CTNNA2: variants seen among roughly 807,000 people sequenced by gnomAD.
CTNNA2 encodes catenin alpha 2.
CTNNA2 carries 42 observed loss-of-function variants against 101.0 expected under a neutral mutation model. The observed-to-expected ratio is 0.42, with a 90% CI of 0.32 to 0.54. CTNNA2 has a LOEUF of 0.54. Ranked by LOEUF, CTNNA2 falls within the 20% of genes least tolerant of loss-of-function variation. The pLI is 0.14. For synonymous variants in CTNNA2, 450 were observed against 456.4 expected (o/e 0.99, Z 0.18); for missense variants, 871 against 1,223.1 (o/e 0.71, Z 4.29).
chr2:80,107,572 T>G (rs946187572), intron 7 of CTNNA2, among the ~76,000 whole-genome samples: 1 of 152,230 alleles, frequency 6.6e-6, no homozygotes, highest in African/African-American at 2.4e-5. Context: ...CTCACCATCC[T>G]TCAAGTGTCT....
At chr2:80,213,437 G>T (rs973209187) in intron 7 of CTNNA2, among the ~76,000 whole-genome samples, 1 of 152,172 alleles carries the variant, frequency 6.6e-6, no homozygotes, top group Non-Finnish European at 1.5e-5. Flanking sequence ...TGGTTTCAAA[G>T]AACATTTTTA....
intron 11 of CTNNA2, among the ~76,000 whole-genome samples, chr2:80,547,720 A>T (rs181475969): frequency 5.0e-5 from 5 of 99,574 alleles, no homozygotes; most frequent in Non-Finnish European, 5.5e-5. Context: ...ATGGAGTTTC[A>T]CTCTTGTTGC....
At chr2:80,446,938 A>G (rs1683122277) in intron 9 of CTNNA2, among the ~76,000 whole-genome samples, 1 of 152,186 alleles carries the variant, frequency 6.6e-6, no homozygotes, top group South Asian at 2.1e-4. Context: ...TAAAAAAAGA[A>G]GGCAAATGTA....
At chr2:79,491,907 T>C (rs745999753) in intron 4 of CTNNA2, among the ~76,000 whole-genome samples, 30 of 152,176 alleles carry the variant, frequency 2.0e-4, no homozygotes, top group Non-Finnish European at 3.5e-4. Context: ...AGGACCCTGA[T>C]TGTAAGGACA....
chr2:79,758,316 C>G (rs867660194), intron 3 of CTNNA2, among the ~76,000 whole-genome samples: 68 of 152,320 alleles, frequency 4.5e-4, no homozygotes, highest in African/African-American at 1.6e-3. Context: ...CTGATGTGTT[C>G]TAATTCTGAT....
At chr2:80,383,669 A>C (rs972080528) in intron 7 of CTNNA2, among the ~76,000 whole-genome samples, 11 of 152,154 alleles carry the variant, frequency 7.2e-5, no homozygotes, top group African/African-American at 2.7e-4. Context: ...ATGAGCCTAT[A>C]AAGAAGGAGG....
chr2:80,240,541 C>A (rs916507892), intron 7 of CTNNA2, among the ~76,000 whole-genome samples: 1 of 152,186 alleles, frequency 6.6e-6, no homozygotes, highest in East Asian at 1.9e-4. Flanking sequence ...ATCTCTTTGG[C>A]TCCCATGGTA....
At chr2:80,566,136 A>G (rs1430761886) in intron 12 of CTNNA2, among the ~76,000 whole-genome samples, 1 of 152,180 alleles carries the variant, frequency 6.6e-6, no homozygotes, top group African/African-American at 2.4e-5. Context: ...TTAGTTATAT[A>G]TTTCTGTGTA....
chr2:79,579,640 AG>A (rs1676024626), intron 1 of CTNNA2, among the ~76,000 whole-genome samples: 1 of 152,080 alleles, frequency 6.6e-6, no homozygotes, highest in Non-Finnish European at 1.5e-5. Flanking sequence ...TTCGAGATGG[AG>A]TTCACTCTTG....
intron 2 of CTNNA2, among the ~76,000 whole-genome samples, chr2:79,287,556 T>G (rs916775565): frequency 1.6e-3 from 72 of 44,640 alleles, no homozygotes; most frequent in Non-Finnish European, 2.1e-3. Context: ...TGCCTCCCAG[T>G]TAGGCTGCTC....
intron 12 of CTNNA2, among the ~76,000 whole-genome samples, chr2:80,558,611 C>T (rs773458917): frequency 5.9e-5 from 9 of 151,996 alleles, no homozygotes; most frequent in Non-Finnish European, 1.0e-4. Context: ...AATTATCTAC[C>T]TTTTGCTTAG....
intron 2 of CTNNA2, among the ~76,000 whole-genome samples, chr2:79,661,555 T>C (rs1423496268): frequency 6.6e-6 from 1 of 152,224 alleles, no homozygotes; most frequent in Non-Finnish European, 1.5e-5. Context: ...TCCTGGTTTC[T>C]CTTATTCCTC....
At position 80,337,163 on chromosome 2, in the gene CTNNA2, G is replaced by A. The variant is rs980601524; in HGVS notation, c.1057-56048G>A. 2.0e-5 allele frequency among the ~76,000 whole-genome samples: 3 copies of A among 152,232 alleles called. No individual in the cohort carries two copies. The East Asian group carries it at 5.8e-4, about 30-fold the overall frequency. Reference sequence around the variant, plus strand: ...GAGGTCAGGAGATCGAGACCATCCTGGTTGACATGGTGAAACCCCGTCTCT... The same window carrying A: ...GAGGTCAGGAGATCGAGACCATCCTAGTTGACATGGTGAAACCCCGTCTCT... On this transcript the variant is annotated intron_variant, in intron 7 of 18. Coordinates refer to ENST00000402739, the MANE Select transcript of CTNNA2 (RefSeq NM_001282597.3).
At chr2:80,528,680 AAAATAAAT>A (rs557880261) in intron 9 of CTNNA2, among the ~76,000 whole-genome samples, 1 of 152,074 alleles carries the variant, frequency 6.6e-6, no homozygotes, top group African/African-American at 2.4e-5. Flanking sequence ...CCCCACCAAA[AAAATAAAT>A]AAATAAATAA....
intron 3 of CTNNA2, among the ~76,000 whole-genome samples, chr2:79,760,101 A>C (rs1185170145): frequency 6.6e-6 from 1 of 152,202 alleles, no homozygotes; most frequent in Non-Finnish European, 1.5e-5. Context: ...ACAAGTATTT[A>C]ATGTCTCATA....
Position 80,529,832 on chromosome 2 carries a change from C to T in CTNNA2, c.1291-15150C>T, listed in dbSNP as rs189234445. Among the ~76,000 whole-genome samples the T allele has an allele frequency of 7.9e-5, 12 of 152,170 alleles. No individual in the cohort carries two copies. The East Asian group carries it at 9.7e-4, about 12-fold the overall frequency. The stretch of plus-strand genomic sequence containing the variant: ...TGGCCATTCACCCAGACTGATTCAG[C>T]GAGGGGGGTAAAAATGACCTACTGA... On this transcript the variant is annotated intron_variant, in intron 9 of 18. Coordinates refer to ENST00000402739, the MANE Select transcript of CTNNA2 (RefSeq NM_001282597.3).
intron 4 of CTNNA2, among the ~76,000 whole-genome samples, chr2:79,394,111 G>A (rs1054154409): frequency 2.0e-5 from 3 of 152,012 alleles, no homozygotes; most frequent in Non-Finnish European, 4.4e-5. Flanking sequence ...GGGAGTTCAC[G>A]GGGAGAAAGA....
intron 1 of CTNNA2, chr2:79,575,693 T>C (rs1465907823): frequency 1.3e-5 from 2 of 152,160 alleles, no homozygotes; most frequent in African/African-American, 4.8e-5. Context: ...GCAATACTCA[T>C]CACAATGCAG....
intron 1 of CTNNA2, among the ~76,000 whole-genome samples, chr2:79,193,445 TACGTACCCTAGGA>T (rs1428089691): frequency 1.3e-5 from 2 of 152,220 alleles, no homozygotes; most frequent in Non-Finnish European, 2.9e-5. Context: ...ACTATACAGG[TACGTACCCTAGGA>T]ACAGTAGGCT....
Sources: allele counts gnomAD v4.1 joint callset (sites outside exome capture counted in the v4.1 genomes callset), GRCh38; gene constraint gnomAD v4.1.1; transcripts MANE v1.5; gene names NCBI Gene and HGNC (gene_info 2026-07-23, HGNC 2026-07-21).